The following RAB38 variants were observed in gnomAD, a reference collection of about 807,000 sequenced individuals.
The protein encoded by RAB38 is ras-related protein Rab-38.
Under a neutral mutation model 18.4 loss-of-function variants are expected in RAB38, and 15 were observed. That is an observed-to-expected ratio of 0.82 (90% CI 0.55 to 1.26). The LOEUF is 1.26. Among genes scored for constraint, RAB38 ranks in the 50% most tolerant of loss-of-function variants. The pLI is 0.00. For synonymous variants in RAB38, 101 were observed against 104.4 expected, an observed-to-expected ratio of 0.97 and a Z score of 0.20; for missense variants, 294 against 267.4, an observed-to-expected ratio of 1.10 and a Z score of -0.69.
At chr11:87,831,593 A>G in the RAB38 span, among the ~76,000 whole-genome samples, 1 of 152,214 alleles carries the variant, frequency 6.6e-6, no homozygotes. Context: ...TCTCCATCAG[A>G]TAGGAGACCA....
intron 2 of RAB38, among the ~76,000 whole-genome samples, chr11:88,144,713 G>A (rs1045544303): frequency 6.6e-6 from 1 of 152,160 alleles, no homozygotes; most frequent in African/African-American, 2.4e-5. Flanking sequence ...CTGGGAGAGA[G>A]GGTGGGTCCA....
chr11:88,007,401 C>G, the RAB38 span, among the ~76,000 whole-genome samples: 1 of 150,198 alleles, frequency 6.7e-6, no homozygotes, highest in African/African-American at 2.4e-5. Context: ...TCCTAAATAG[C>G]TAAATAATTT....
chr11:88,037,085 A>T, the RAB38 span, among the ~76,000 whole-genome samples: 1 of 152,064 alleles, frequency 6.6e-6, no homozygotes, highest in African/African-American at 2.4e-5. Context: ...TTTCCTACAT[A>T]ATCATCTAGT....
chr11:88,152,421 G>A (rs900348875), intron 1 of RAB38, among the ~76,000 whole-genome samples: 3 of 152,180 alleles, frequency 2.0e-5, no homozygotes, highest in African/African-American at 7.2e-5. Context: ...GAAAATATGT[G>A]TGTGTGTGTA....
At chr11:87,956,562 A>G in the RAB38 span, among the ~76,000 whole-genome samples, 1 of 151,776 alleles carries the variant, frequency 6.6e-6, no homozygotes, top group Non-Finnish European at 1.5e-5. Flanking sequence ...AGGATAATTA[A>G]CCCCTACGTG....
chr11:88,084,934 T>C, the RAB38 span, among the ~76,000 whole-genome samples: 1 of 151,900 alleles, frequency 6.6e-6, no homozygotes, highest in South Asian at 2.1e-4. Flanking sequence ...TCCCATTTTA[T>C]AAAGGCAGAA....
the RAB38 span, among the ~76,000 whole-genome samples, chr11:87,834,065 C>T: frequency 6.6e-6 from 1 of 152,278 alleles, no homozygotes; most frequent in East Asian, 1.9e-4. Flanking sequence ...AGATTCAAGG[C>T]TTGAGGGAGA....
chr11:87,926,516 G>GTTTT, the RAB38 span, among the ~76,000 whole-genome samples: 1 of 111,338 alleles, frequency 9.0e-6, no homozygotes, highest in African/African-American at 5.5e-5. Flanking sequence ...TGGTTTTTTT[G>GTTTT]TTTGTTTGTT....
chr11:87,894,988 T>C, the RAB38 span, among the ~76,000 whole-genome samples: 1 of 151,604 alleles, frequency 6.6e-6, no homozygotes, highest in East Asian at 2.0e-4. Context: ...ATTAAGTCAT[T>C]TCAATTTCTG....
the RAB38 span, among the ~76,000 whole-genome samples, chr11:87,924,628 T>C: frequency 2.0e-5 from 3 of 152,010 alleles, no homozygotes; most frequent in African/African-American, 4.8e-5. Flanking sequence ...CTTTCTCTAC[T>C]TTGCAGGAAA....
At chr11:87,953,617 A>G in the RAB38 span, among the ~76,000 whole-genome samples, 4 of 152,126 alleles carry the variant, frequency 2.6e-5, no homozygotes, top group South Asian at 2.1e-4. Context: ...CTAATTTATA[A>G]ATTGAATTTT....
the RAB38 span, among the ~76,000 whole-genome samples, chr11:87,887,957 T>C: frequency 2.2e-3 from 337 of 152,058 alleles, 2 homozygotes; most frequent in African/African-American, 7.0e-3. Context: ...TTCTCCCCTG[T>C]ACCATCAAGG....
the RAB38 span, among the ~76,000 whole-genome samples, chr11:87,966,270 G>A: frequency 6.6e-6 from 1 of 152,030 alleles, no homozygotes; most frequent in Non-Finnish European, 1.5e-5. Context: ...TTAAGCCTAA[G>A]CAATTTTGTG....
chr11:87,847,178 G>C, the RAB38 span, among the ~76,000 whole-genome samples: 2 of 152,024 alleles, frequency 1.3e-5, no homozygotes, highest in African/African-American at 4.8e-5. Flanking sequence ...CATTGATATT[G>C]AAAAGAACAG....
the RAB38 span, among the ~76,000 whole-genome samples, chr11:88,031,407 G>C: frequency 6.6e-6 from 1 of 150,438 alleles, no homozygotes; most frequent in African/African-American, 2.4e-5. Context: ...GGAAATAAAG[G>C]GTATTCAATT....
the RAB38 span, among the ~76,000 whole-genome samples, chr11:88,086,985 C>T: frequency 4.9e-4 from 74 of 151,686 alleles, no homozygotes; most frequent in African/African-American, 1.3e-3. Context: ...AATTGGAGGA[C>T]GGCAAAAATG....
At position 88,175,269 on chromosome 11, in the gene RAB38, CG is replaced by C; in HGVS notation, c.115del (p.Arg39GlyfsTer37). The C allele has an allele frequency of 6.2e-7, 1 of 1,614,146 alleles. No individual in the cohort carries two copies. The highest frequency in any genetic ancestry group is 8.5e-7 in the Non-Finnish European group (1 of 1,180,016). On this transcript the variant is annotated frameshift_variant, in exon 1 of 3. Coordinates refer to ENST00000243662, the MANE Select transcript of RAB38 (RefSeq NM_022337.3). LOFTEE classifies it high-confidence loss of function. ...YVHQNFSSHY[R>X]ATIGVDFALK... ...CGCGAAGTCCACGCCGATTGTGGCCCGGTAGTGCGAAGAGAAGTTCTGGTGC... is the reference window on the plus strand; with the variant it reads ...CGCGAAGTCCACGCCGATTGTGGCCCGTAGTGCGAAGAGAAGTTCTGGTGC...
the RAB38 span, among the ~76,000 whole-genome samples, chr11:87,944,277 C>T: frequency 6.6e-6 from 1 of 151,814 alleles, no homozygotes. Context: ...TGCAAACAAA[C>T]AAAAAAACAA....
At chr11:87,834,926 C>T in the RAB38 span, among the ~76,000 whole-genome samples, 3 of 152,290 alleles carry the variant, frequency 2.0e-5, no homozygotes, top group Admixed American at 6.5e-5. Context: ...AACTGATGCT[C>T]AGCAAGTTCC....
Sources: allele counts gnomAD v4.1 joint callset (sites outside exome capture counted in the v4.1 genomes callset), GRCh38; gene constraint gnomAD v4.1.1; transcripts MANE v1.5; gene names NCBI Gene and HGNC (gene_info 2026-07-23, HGNC 2026-07-21).